The following KATNAL1 variants were observed in gnomAD, a reference collection of about 807,000 sequenced individuals.
KATNAL1 encodes the protein katanin catalytic subunit A1 like 1.
Under a neutral mutation model 55.2 loss-of-function variants are expected in KATNAL1, and 32 were observed. That is an observed-to-expected ratio of 0.58 (90% CI 0.44 to 0.78). The LOEUF is 0.78. Ranked by LOEUF, KATNAL1 falls within the 30% of genes least tolerant of loss-of-function variation. The pLI, the probability that KATNAL1 is intolerant of heterozygous loss-of-function variation, is 0.00. For missense variants in KATNAL1, 466 were observed against 600.9 expected (o/e 0.78, Z 2.35); for synonymous variants, 193 against 193.6 (o/e 1.00, Z 0.02).
intron 9 of KATNAL1, among the ~76,000 whole-genome samples, chr13:30,226,334 A>T (rs774101172): frequency 1.3e-5 from 2 of 152,260 alleles, no homozygotes; most frequent in Non-Finnish European, 2.9e-5. Flanking sequence ...GAAAGTTTAC[A>T]GCTTTATTCA....
intron 9 of KATNAL1, among the ~76,000 whole-genome samples, chr13:30,214,630 C>T (rs1441722181): frequency 3.3e-5 from 5 of 152,168 alleles, no homozygotes; most frequent in African/African-American, 1.2e-4. Flanking sequence ...ATATCTACAA[C>T]TATCTGATCT....
At chr13:30,265,000 T>A (rs1363987165) in intron 3 of KATNAL1, among the ~76,000 whole-genome samples, 6 of 148,734 alleles carry the variant, frequency 4.0e-5, no homozygotes, top group Non-Finnish European at 6.0e-5. Context: ...TAGACTGGAT[T>A]AAGAAAATGT....
At chr13:30,290,544 CT>C (rs899768539) in intron 1 of KATNAL1, among the ~76,000 whole-genome samples, 5 of 151,232 alleles carry the variant, frequency 3.3e-5, no homozygotes, top group African/African-American at 4.9e-5. Context: ...ATTTCCAACT[CT>C]TTTTTTTTCC....
At chr13:30,279,418 CAGTTG>C (rs376729178) in intron 3 of KATNAL1, among the ~76,000 whole-genome samples, 89 of 152,206 alleles carry the variant, frequency 5.8e-4, no homozygotes, top group African/African-American at 1.9e-3. Context: ...AGGGGATAGT[CAGTTG>C]AGTTGAGACT....
chr13:30,287,747 T>G (rs977544012), intron 1 of KATNAL1, among the ~76,000 whole-genome samples: 9 of 152,198 alleles, frequency 5.9e-5, no homozygotes, highest in Non-Finnish European at 8.8e-5. Context: ...TATTTCCCTT[T>G]AAAGTCATTG....
intron 3 of KATNAL1, among the ~76,000 whole-genome samples, chr13:30,274,898 C>CGT (rs1555265610): frequency 0.03 from 2,930 of 99,120 alleles, 110 homozygotes; most frequent in African/African-American, 0.1. Flanking sequence ...CATACGCGCG[C>CGT]GCGCGCGCGC....
intron 3 of KATNAL1, among the ~76,000 whole-genome samples, chr13:30,279,506 G>A (rs1881112144): frequency 6.6e-6 from 1 of 152,080 alleles, no homozygotes; most frequent in Non-Finnish European, 1.5e-5. Context: ...GCACAGACAA[G>A]ATGACCAAAA....
Position 30,304,453 on chromosome 13 carries a change from A to T in KATNAL1, c.-15+2878T>A, listed in dbSNP as rs900538607. Among the ~76,000 whole-genome samples the T allele has an allele frequency of 8.9e-4, 135 of 151,926 alleles. 1 individual carries two copies. Among genetic ancestry groups the T allele is most frequent in the African/African-American group, 3.1e-3 (129 of 41,318 alleles). ...TCTAGCTAATTTTTATATTTTTAGG[A>T]GAAACGAGGTTTCACCATCTTGGCC... On this transcript the variant is annotated intron_variant, in intron 1 of 10. Coordinates refer to ENST00000380615, the MANE Select transcript of KATNAL1 (RefSeq NM_032116.5).
At chr13:30,240,130 T>A (rs1318945374) in intron 6 of KATNAL1, among the ~76,000 whole-genome samples, 1 of 152,240 alleles carries the variant, frequency 6.6e-6, no homozygotes, top group Non-Finnish European at 1.5e-5. Context: ...CTTTCTTCTA[T>A]AAGACCATAT....
intron 3 of KATNAL1, among the ~76,000 whole-genome samples, chr13:30,273,209 A>G (rs1488543824): frequency 6.6e-6 from 1 of 152,376 alleles, no homozygotes; most frequent in Middle Eastern, 3.4e-3. Context: ...TTCCCCAGCT[A>G]GCATTCACTT....
In KATNAL1 at chr13:30,230,503, C is replaced by T. The variant is rs1875990994; in HGVS notation, c.977G>A (p.Arg326His). ...AATGAGCAGTTCAGACTTGACCCTG[C>T]GACTTGCCTCATGTTCATCAGAGGT... is the stretch of plus-strand genomic sequence containing the variant. ...RGTSDEHEAS[R>H]RVKSELLIQM... Residue 326 changes from arginine to histidine, a missense_variant, in exon 8 of 11, where the codon CGC becomes CAC. By Grantham distance (29) the Arg-to-His change is conservative. Around this residue, in one of 3 missense-constraint regions of KATNAL1, gnomAD observed 213 missense variants for 308.6 expected, o/e 0.69. Transcript: ENST00000380615. 3 of 1,613,202 alleles carry T rather than the reference C, an allele frequency of 1.9e-6. No individual in the cohort carries two copies. Among genetic ancestry groups the T allele is most frequent in the South Asian group, 1.1e-5 (1 of 91,018 alleles).
chr13:30,243,580 C>T (rs895359214), intron 4 of KATNAL1, among the ~76,000 whole-genome samples: 1 of 108,028 alleles, frequency 9.3e-6, no homozygotes, highest in African/African-American at 4.0e-5. Flanking sequence ...TGGGGCAATA[C>T]AACCAACAGG....
chr13:30,239,412 AAAAT>A (rs1877022543), intron 6 of KATNAL1, among the ~76,000 whole-genome samples: 1 of 152,174 alleles, frequency 6.6e-6, no homozygotes, highest in Admixed American at 6.5e-5. Flanking sequence ...TCAGTCTCAA[AAAAT>A]AAATAAAATA....
chr13:30,220,571 G>C (rs968917545), intron 9 of KATNAL1, among the ~76,000 whole-genome samples: 28 of 152,212 alleles, frequency 1.8e-4, no homozygotes, highest in Admixed American at 1.6e-3. Flanking sequence ...TATGAGCCAG[G>C]TATTAAGGAG....
At chr13:30,288,475 C>T (rs931863428) in intron 1 of KATNAL1, among the ~76,000 whole-genome samples, 51 of 152,282 alleles carry the variant, frequency 3.3e-4, no homozygotes, top group African/African-American at 1.2e-3. Flanking sequence ...TACTTCTTTG[C>T]TTTAACTTAT....
intron 4 of KATNAL1, among the ~76,000 whole-genome samples, chr13:30,245,582 G>A (rs1461825176): frequency 3.9e-5 from 6 of 152,050 alleles, no homozygotes; most frequent in African/African-American, 1.4e-4. Context: ...AGAAATAAAG[G>A]GGATTCAAAT....
intron 3 of KATNAL1, among the ~76,000 whole-genome samples, chr13:30,270,074 G>T (rs1880168072): frequency 9.2e-6 from 1 of 108,786 alleles, no homozygotes; most frequent in Admixed American, 8.3e-5. Flanking sequence ...GAGGGAGGTG[G>T]GGGGGGTCAG....
intron 3 of KATNAL1, among the ~76,000 whole-genome samples, chr13:30,278,710 A>G (rs1666646914): frequency 6.6e-6 from 1 of 152,238 alleles, no homozygotes; most frequent in African/African-American, 2.4e-5. Context: ...AATGACTTTC[A>G]GTAAAAAACA....
intron 6 of KATNAL1, among the ~76,000 whole-genome samples, chr13:30,237,948 C>T (rs910779520): frequency 2.0e-5 from 3 of 152,224 alleles, no homozygotes; most frequent in Admixed American, 2.0e-4. Flanking sequence ...TTAAATATCA[C>T]TAGCATCTGT....
Sources: allele counts gnomAD v4.1 joint callset (sites outside exome capture counted in the v4.1 genomes callset), GRCh38; gene constraint gnomAD v4.1.1; regional missense constraint gnomAD v4.1.1; transcripts MANE v1.5; gene names NCBI Gene and HGNC (gene_info 2026-07-23, HGNC 2026-07-21).